IGF2R: variants seen among roughly 807,000 people sequenced by gnomAD.
The protein encoded by IGF2R is cation-independent mannose-6-phosphate receptor.
In IGF2R, 91 loss-of-function variants were observed where a neutral mutation model predicts 270.6. The observed-to-expected ratio is 0.34, with a 90% confidence interval of 0.28 to 0.40. The LOEUF is 0.40. Ranked by LOEUF, IGF2R falls within the 10% of genes least tolerant of loss-of-function variation. The pLI is 1.00. For synonymous variants in IGF2R, 1,316 were observed against 1,258.9 expected (o/e 1.05, Z -0.96); for missense variants, 2,805 against 3,188.3 (o/e 0.88, Z 2.90).
Position 159,978,321 on chromosome 6 carries a change from A to T in IGF2R, c.149+8926A>T, listed in dbSNP as rs142814647. Among the ~76,000 whole-genome samples the T allele has an allele frequency of 3.9e-3, 593 of 151,692 alleles. 3 individuals carry two copies. The highest frequency in any genetic ancestry group is 0.014 in the African/African-American group (562 of 41,506). Reference sequence around the variant, plus strand: ...TTCCTCACTCAGATTCCCCCAAACAATGAGGAGCTTGATAATTCGAGGTGT... The same window carrying T: ...TTCCTCACTCAGATTCCCCCAAACATTGAGGAGCTTGATAATTCGAGGTGT... On this transcript the variant is annotated intron_variant, in intron 1 of 47. Coordinates refer to ENST00000356956, the MANE Select transcript of IGF2R (RefSeq NM_000876.4).
intron 2 of IGF2R, 72 bp downstream of exon 2, chr6:159,991,395 GC>G: frequency 7.4e-7 from 1 of 1,353,686 alleles, no homozygotes; most frequent in Non-Finnish European, 1.0e-6. Flanking sequence ...ACTGTGTATA[GC>G]TATACGTATA....
intron 44 of IGF2R, among the ~76,000 whole-genome samples, chr6:160,090,640 G>A (rs1183690479): frequency 6.6e-6 from 1 of 152,204 alleles, no homozygotes; most frequent in African/African-American, 2.4e-5. Flanking sequence ...ATCGTGAAAG[G>A]CTGCTTTTGT....
intron 31 of IGF2R, among the ~76,000 whole-genome samples, chr6:160,070,803 T>C (rs1583291421): frequency 6.6e-6 from 1 of 151,774 alleles, no homozygotes; most frequent in Non-Finnish European, 1.5e-5. Context: ...TGGGCAGCAG[T>C]GGTAGGGGAG....
intron 4 of IGF2R, among the ~76,000 whole-genome samples, chr6:160,017,041 A>G (rs913806167): frequency 6.6e-6 from 1 of 152,072 alleles, no homozygotes; most frequent in African/African-American, 2.4e-5. Flanking sequence ...TTGAAATACT[A>G]GTTAAAGAAT....
Position 160,073,843 on chromosome 6 carries a change from G to C in IGF2R, c.5034G>C (p.Glu1678Asp), listed in dbSNP as rs150602773. 1 of 1,614,020 alleles carries C rather than the reference G, an allele frequency of 6.2e-7. No individual in the cohort carries two copies. Residue 1678 changes from glutamate (E) to aspartate (D), a missense_variant, in exon 35 of 48, where the codon GAG becomes GAC. Physicochemically the swap from Glu to Asp is conservative, Grantham distance 45. Transcript: ENST00000356956. ...HRTGGYEAYDESEDDASDTNP... is the reference protein window; with the variant it reads ...HRTGGYEAYDDSEDDASDTNP... ...CTGGTGGTTATGAGGCTTATGATGA[G>C]AGTGAGGATGATGCCTCCGATACCA...
At chr6:160,061,249 G>T (rs1400668657) in intron 23 of IGF2R, among the ~76,000 whole-genome samples, 1 of 152,150 alleles carries the variant, frequency 6.6e-6, no homozygotes, top group Non-Finnish European at 1.5e-5. Flanking sequence ...GGTCCTAAGT[G>T]ATCCTCCTGC....
chr6:160,061,362 C>A, intron 23 of IGF2R, 141 bp from the exon 24 acceptor site: 1 of 779,758 alleles, frequency 1.3e-6, no homozygotes, highest in Non-Finnish European at 2.1e-6. Flanking sequence ...CAAAGCCTCT[C>A]AGCCTCCCGT....
chr6:160,002,850 A>C (rs988626095), intron 2 of IGF2R, among the ~76,000 whole-genome samples: 4 of 152,244 alleles, frequency 2.6e-5, no homozygotes, highest in African/African-American at 9.6e-5. Flanking sequence ...TAAACATTGC[A>C]GTAAAAATAC....
At chr6:160,018,821 G>T (rs1185246838) in intron 4 of IGF2R, among the ~76,000 whole-genome samples, 1 of 152,074 alleles carries the variant, frequency 6.6e-6, no homozygotes, top group East Asian at 1.9e-4. Flanking sequence ...CAAAAGCAGG[G>T]CTAAGTGGGA....
intron 14 of IGF2R, 73 bp downstream of exon 14, chr6:160,045,955 G>C: frequency 7.4e-7 from 1 of 1,354,226 alleles, no homozygotes; most frequent in Non-Finnish European, 9.9e-7. Context: ...AACATTCTGT[G>C]TGAGGTTTTC....
At chr6:160,020,440 A>G (rs1330778830) in intron 4 of IGF2R, among the ~76,000 whole-genome samples, 1 of 152,238 alleles carries the variant, frequency 6.6e-6, no homozygotes, top group African/African-American at 2.4e-5. Context: ...ATGGAATTAG[A>G]AAAAGTCCTA....
intron 4 of IGF2R, among the ~76,000 whole-genome samples, chr6:160,012,671 A>G (rs762058220): frequency 2.6e-5 from 4 of 151,348 alleles, no homozygotes; most frequent in Non-Finnish European, 4.4e-5. Context: ...GAGGATTACA[A>G]TTTGACACAA....
chr6:160,040,740 C>G lies in IGF2R; in HGVS notation c.1480+16C>G, dbSNP rs367834585. On this transcript the variant is annotated intron_variant, in intron 11 of 47. Transcript: ENST00000356956. ...CGCCATGCAGGTACTGCCCTCCTTG[C>G]CATGCGGGTCTTAGTCCACATGCTC... is the stretch of plus-strand genomic sequence containing the variant. 41 of 1,604,386 alleles carry G rather than the reference C, an allele frequency of 2.6e-5. No individual in the cohort carries two copies. Among genetic ancestry groups the G allele is most frequent in the African/African-American group, 4.0e-5 (3 of 74,710 alleles).
At position 160,044,613 on chromosome 6, in the gene IGF2R, A is replaced by T; in HGVS notation, c.1721A>T (p.His574Leu). Residue 574 changes from histidine to leucine, a missense_variant, in exon 13 of 48, where the codon CAT becomes CTT. By Grantham distance (99) the His-to-Leu change is moderately conservative (BLOSUM62 -3). Transcript: ENST00000356956. ...LSYSDGDDCG[H>L]GKKIKTNITL... ...TATTCAGATGGTGATGATTGTGGTC[A>T]TGGCAAGAAAATTAAAACTAATATC... 2 of 1,610,782 alleles carry T rather than the reference A, an allele frequency of 1.2e-6. No individual in the cohort carries two copies. Among genetic ancestry groups the T allele is most frequent in the Non-Finnish European group, 1.7e-6 (2 of 1,178,520 alleles).
intron 2 of IGF2R, among the ~76,000 whole-genome samples, chr6:159,997,032 A>C (rs73596414): frequency 0.014 from 2,128 of 152,180 alleles, 50 homozygotes; most frequent in African/African-American, 0.049. Flanking sequence ...AAGTCCTACT[A>C]CCCACATCCG....
intron 47 of IGF2R, 44 bp downstream of exon 47, chr6:160,103,859 C>A: frequency 7.6e-7 from 1 of 1,310,942 alleles, no homozygotes; most frequent in Non-Finnish European, 1.1e-6. Context: ...CCTCCCCGGC[C>A]CCCTGTGCTG....
chr6:160,070,779 A>G (rs1158066999), intron 31 of IGF2R, among the ~76,000 whole-genome samples: 2 of 152,156 alleles, frequency 1.3e-5, no homozygotes, highest in South Asian at 2.1e-4. Context: ...GGCTCGCCCC[A>G]TGCTCTCCAG....
Position 160,104,889 on chromosome 6 carries a change from T to G in IGF2R, c.7281T>G (p.Ala2427=). The change falls in exon 48 of 48, where the codon GCT becomes GCG. Residue 2427 remains alanine, a synonymous_variant. Coordinates refer to ENST00000356956, the MANE Select transcript of IGF2R (RefSeq NM_000876.4). ...TGAAAGTTCACTCGGGCAGGGGAGC[T>G]GGGGCAGAGAGCTCCCACCCAGTGA... is the stretch of plus-strand genomic sequence containing the variant. ...PEVKVHSGRG[A]GAESSHPVRN... is the part of the protein sequence containing the mutation. 6.2e-7 allele frequency: 1 copy of G among 1,614,070 alleles called. No individual in the cohort carries two copies. Among genetic ancestry groups the G allele is most frequent in the Non-Finnish European group, 8.5e-7 (1 of 1,180,000 alleles).
At chr6:160,047,387 G>A (rs1173093677) in intron 16 of IGF2R, 51 bp downstream of exon 16, 3 of 1,445,754 alleles carry the variant, frequency 2.1e-6, no homozygotes, top group East Asian at 4.6e-5. Context: ...CATGCCTGTG[G>A]TGGGCCTTTC....
Sources: allele counts gnomAD v4.1 joint callset (sites outside exome capture counted in the v4.1 genomes callset), GRCh38; gene constraint gnomAD v4.1.1; transcripts MANE v1.5; gene names NCBI Gene and HGNC (gene_info 2026-07-23, HGNC 2026-07-21).